The following GRK3 variants were observed in gnomAD, a reference collection of about 807,000 sequenced individuals.
GRK3 encodes the protein adrenergic, beta, receptor kinase 2.
A neutral mutation model predicts 95.7 loss-of-function variants in GRK3; 54 were observed. The ratio of observed to expected loss-of-function variants is 0.56; its 90% CI spans 0.45 to 0.71. The LOEUF (loss-of-function observed/expected upper bound fraction) is 0.71, where lower values mean the gene tolerates loss of function less well. Among genes scored for constraint, GRK3 ranks in the 30% least tolerant of loss-of-function variants. The pLI is 0.00. For missense variants in GRK3, 649 were observed against 851.2 expected (o/e 0.76, Z 2.96); for synonymous variants, 281 against 290.8 (o/e 0.97, Z 0.34).
intron 2 of GRK3, among the ~76,000 whole-genome samples, chr22:25,642,244 C>G (rs924253212): frequency 5.3e-5 from 8 of 152,134 alleles, no homozygotes; most frequent in African/African-American, 1.7e-4. Flanking sequence ...ACCAGTCTGG[C>G]CAACATGGTG....
intron 10 of GRK3, among the ~76,000 whole-genome samples, chr22:25,685,810 A>G (rs1456310216): frequency 1.3e-5 from 2 of 152,124 alleles, no homozygotes; most frequent in African/African-American, 4.8e-5. Context: ...ATATATCTAA[A>G]GTATTTTTAG....
chr22:25,691,508 A>G (rs1463669817), intron 12 of GRK3, among the ~76,000 whole-genome samples: 2 of 152,250 alleles, frequency 1.3e-5, no homozygotes, highest in African/African-American at 2.4e-5. Flanking sequence ...CTCTTTTTCT[A>G]CAGAATCTGG....
rs879101225 is a variant in GRK3 at position 25,725,948 on chromosome 22, CA to C, written c.*3509del. On this transcript the variant is annotated 3_prime_UTR_variant, in exon 21 of 21. Coordinates refer to ENST00000324198, the MANE Select transcript of GRK3 (RefSeq NM_005160.4). ...TGGGCGACAGAGCGAGACTCTGTCT[CA>C]AAAAAAAAAAGGAGGGGGGCTAAAT... 1,814 of 157,980 alleles carry C rather than the reference CA, an allele frequency of 0.011. No homozygotes were observed. The highest frequency in any genetic ancestry group is 0.023 in the East Asian group (155 of 6,784). 9.8% of individuals were successfully genotyped at this position (157,980 alleles called of 1,614,324 possible).
chr22:25,607,797 T>C (rs1378926073), intron 2 of GRK3, among the ~76,000 whole-genome samples: 1 of 151,528 alleles, frequency 6.6e-6, no homozygotes, highest in African/African-American at 2.4e-5. Flanking sequence ...GCCAGGCTGG[T>C]CTCAAACTCC....
At chr22:25,580,416 A>G (rs924109035) in intron 1 of GRK3, 4 of 152,218 alleles carry the variant, frequency 2.6e-5, no homozygotes, top group Admixed American at 6.5e-5. Context: ...GGAATTATCA[A>G]TTTGAAGGGG....
intron 8 of GRK3, 116 bp downstream of exon 8, chr22:25,674,644 T>C: frequency 1.3e-6 from 1 of 769,060 alleles, no homozygotes; most frequent in South Asian, 1.8e-5. Context: ...TGAAGTACTT[T>C]ACCTCCAAAA....
At chr22:25,678,219 C>A (rs1371624164) in intron 8 of GRK3, among the ~76,000 whole-genome samples, 1 of 152,094 alleles carries the variant, frequency 6.6e-6, no homozygotes, top group Non-Finnish European at 1.5e-5. Flanking sequence ...CTTTGGGAGG[C>A]TGAGGTGGGC....
chr22:25,627,910 T>A (rs1049341921), intron 2 of GRK3, among the ~76,000 whole-genome samples: 1 of 152,214 alleles, frequency 6.6e-6, no homozygotes, highest in African/African-American at 2.4e-5. Flanking sequence ...TCTGACCAAG[T>A]ACCTGAGAGG....
intron 2 of GRK3, among the ~76,000 whole-genome samples, chr22:25,641,635 C>A (rs2084743801): frequency 6.6e-6 from 1 of 152,138 alleles, no homozygotes; most frequent in African/African-American, 2.4e-5. Flanking sequence ...GAATGAGAAT[C>A]ATGAAAGGCC....
rs574870166 is a variant in GRK3, at chr22:25,708,748, A to G, written c.1329-1150A>G. Among the ~76,000 whole-genome samples the G allele has an allele frequency of 9.5e-4, 139 of 146,238 alleles. 1 individual carries two copies. In the Middle Eastern group the frequency reaches 0.028, roughly 29 times the overall value. ...ACAATCTCGGCTCACTGCAACCTCC[A>G]CCTCCCGGGTTCAAGCAAATCTCCT... On this transcript the variant is annotated intron_variant, in intron 15 of 20. Coordinates refer to ENST00000324198, the MANE Select transcript of GRK3 (RefSeq NM_005160.4).
At chr22:25,665,240 C>T (rs2084934282) in intron 5 of GRK3, among the ~76,000 whole-genome samples, 1 of 152,226 alleles carries the variant, frequency 6.6e-6, no homozygotes, top group African/African-American at 2.4e-5. Flanking sequence ...ACACATCTTA[C>T]AGTCAGAAAG....
chr22:25,587,274 A>G (rs369218463), intron 1 of GRK3, among the ~76,000 whole-genome samples: 2 of 152,020 alleles, frequency 1.3e-5, no homozygotes, highest in Non-Finnish European at 2.9e-5. Flanking sequence ...GGAGGCTGCA[A>G]CCCTCCCTGC....
At chr22:25,656,150 G>T (rs981622386) in intron 3 of GRK3, among the ~76,000 whole-genome samples, 18 of 151,604 alleles carry the variant, frequency 1.2e-4, no homozygotes, top group African/African-American at 4.3e-4. Context: ...CTACTGCTCT[G>T]TGTGTTGATT....
intron 12 of GRK3, among the ~76,000 whole-genome samples, chr22:25,692,952 C>A (rs754614866): frequency 7.4e-4 from 113 of 152,210 alleles, no homozygotes; most frequent in Non-Finnish European, 1.4e-3. Context: ...TCTTAGATTT[C>A]TTCCAGCGGC....
At chr22:25,577,380 G>T (rs1275709625) in intron 1 of GRK3, among the ~76,000 whole-genome samples, 1 of 152,062 alleles carries the variant, frequency 6.6e-6, no homozygotes, top group African/African-American at 2.4e-5. Flanking sequence ...TTGCCACATT[G>T]CCCAGGCTGG....
chr22:25,625,727 C>A (rs2084622952), intron 2 of GRK3, among the ~76,000 whole-genome samples: 1 of 152,190 alleles, frequency 6.6e-6, no homozygotes, highest in African/African-American at 2.4e-5. Context: ...ATCCTGTACA[C>A]CTGGCTCTGC....
intron 2 of GRK3, among the ~76,000 whole-genome samples, chr22:25,630,163 G>T (rs116867132): frequency 6.6e-6 from 1 of 152,214 alleles, no homozygotes; most frequent in East Asian, 1.9e-4. Context: ...CGATTGGTTG[G>T]CTCTTATTCT....
At chr22:25,648,319 A>C (rs2084802033) in intron 3 of GRK3, 1 of 1,150,950 alleles carries the variant, frequency 8.7e-7, no homozygotes, top group African/African-American at 1.5e-5. Flanking sequence ...TTGGCAAAAC[A>C]CTACACAGAA....
At chr22:25,603,726 T>C (rs1169967523) in intron 1 of GRK3, among the ~76,000 whole-genome samples, 1 of 152,238 alleles carries the variant, frequency 6.6e-6, no homozygotes, top group Non-Finnish European at 1.5e-5. Flanking sequence ...GTATTAAATT[T>C]CTCTGTTTAT....
Sources: gnomAD v4.1 joint callset for allele counts (sites outside exome capture counted in the v4.1 genomes callset) on GRCh38, gnomAD v4.1.1 for gene constraint, MANE v1.5 for transcripts, NCBI Gene and HGNC (gene_info 2026-07-23, HGNC 2026-07-21) for gene names.